RARB: variants seen among roughly 807,000 people sequenced by gnomAD.
RARB encodes the protein retinoic acid receptor beta.
RARB carries 17 observed loss-of-function variants against 51.9 expected under a neutral mutation model. The observed-to-expected ratio is 0.33, with a 90% CI of 0.22 to 0.49. RARB has a LOEUF of 0.49. Among genes scored for constraint, RARB ranks in the 20% least tolerant of loss-of-function variants. The pLI is 0.99. For missense variants in RARB, 369 were observed against 550.8 expected (o/e 0.67, Z 3.30); for synonymous variants, 215 against 195.4 (o/e 1.10, Z -0.84).
At chr3:25,381,934 G>T (rs1706638281) in intron 5 of RARB, among the ~76,000 whole-genome samples, 1 of 152,132 alleles carries the variant, frequency 6.6e-6, no homozygotes, top group African/African-American at 2.4e-5. Flanking sequence ...AATATAGAAT[G>T]TAGCCGTCTC....
At chr3:24,875,897 T>C (rs1178777800) in intron 2 of RARB, among the ~76,000 whole-genome samples, 1 of 152,122 alleles carries the variant, frequency 6.6e-6, no homozygotes, top group African/African-American at 2.4e-5. Flanking sequence ...CAATTCTTTA[T>C]TCCTCCCTTG....
At chr3:25,231,310 T>C (rs1387699452) in intron 5 of RARB, among the ~76,000 whole-genome samples, 1 of 152,222 alleles carries the variant, frequency 6.6e-6, no homozygotes, top group Non-Finnish European at 1.5e-5. Flanking sequence ...ACACCTTCTT[T>C]AAAGTTAGCT....
intron 2 of RARB, among the ~76,000 whole-genome samples, chr3:25,005,601 G>A (rs1331450922): frequency 1.3e-5 from 2 of 152,206 alleles, no homozygotes; most frequent in African/African-American, 4.8e-5. Flanking sequence ...CCACAATATT[G>A]TTTATGACCT....
chr3:25,106,152 A>G (rs1699494866), intron 3 of RARB, among the ~76,000 whole-genome samples: 1 of 152,220 alleles, frequency 6.6e-6, no homozygotes, highest in Non-Finnish European at 1.5e-5. Flanking sequence ...GCATTAAAAA[A>G]TGAAGGCTGT....
chr3:25,291,803 A>G (rs926004656), intron 5 of RARB, among the ~76,000 whole-genome samples: 5 of 152,054 alleles, frequency 3.3e-5, no homozygotes, highest in African/African-American at 1.2e-4. Flanking sequence ...CTAATTTATT[A>G]CCCTTTAAAG....
At chr3:25,544,730 A>G (rs1699544189) in intron 3 of RARB, among the ~76,000 whole-genome samples, 2 of 152,276 alleles carry the variant, frequency 1.3e-5, no homozygotes, top group African/African-American at 4.8e-5. Flanking sequence ...AATATCTCCA[A>G]GGGGCTGCTA....
At chr3:25,359,413 A>T (rs571042297) in intron 5 of RARB, among the ~76,000 whole-genome samples, 52 of 149,868 alleles carry the variant, frequency 3.5e-4, no homozygotes, top group Middle Eastern at 6.9e-3. Flanking sequence ...TTAATTTTTT[A>T]AAAAAATACC....
At chr3:25,056,832 C>A (rs528804995) in intron 2 of RARB, among the ~76,000 whole-genome samples, 5 of 152,198 alleles carry the variant, frequency 3.3e-5, no homozygotes, top group African/African-American at 4.8e-5. Flanking sequence ...TATCTTGATA[C>A]AATTCTTCCT....
At chr3:25,212,065 G>A (rs1701712174) in intron 5 of RARB, among the ~76,000 whole-genome samples, 1 of 152,118 alleles carries the variant, frequency 6.6e-6, no homozygotes, top group Non-Finnish European at 1.5e-5. Context: ...GGAGTGGGTG[G>A]TGAGCATTGT....
chr3:25,078,739 C>T (rs796288108), intron 3 of RARB, among the ~76,000 whole-genome samples: 3 of 152,260 alleles, frequency 2.0e-5, no homozygotes, highest in Admixed American at 6.5e-5. Context: ...CCATGTTGGT[C>T]AGGCTGGTCT....
At chr3:24,975,272 T>C (rs899221527) in intron 2 of RARB, among the ~76,000 whole-genome samples, 1 of 152,112 alleles carries the variant, frequency 6.6e-6, no homozygotes, top group Non-Finnish European at 1.5e-5. Context: ...TAAATGATAG[T>C]TGCTATTATT....
chr3:25,290,752 G>A (rs537615815), intron 5 of RARB, among the ~76,000 whole-genome samples: 3 of 152,042 alleles, frequency 2.0e-5, no homozygotes, highest in Non-Finnish European at 4.4e-5. Context: ...TCCTCTCTCT[G>A]TATATATAAG....
chr3:25,011,136 G>A (rs1181598346), intron 2 of RARB, among the ~76,000 whole-genome samples: 1 of 152,114 alleles, frequency 6.6e-6, no homozygotes, highest in Non-Finnish European at 1.5e-5. Flanking sequence ...CTAAGGTTGT[G>A]GAAGTGAATA....
chr3:24,868,013 G>A (rs1336898493), intron 2 of RARB, among the ~76,000 whole-genome samples: 1 of 152,114 alleles, frequency 6.6e-6, no homozygotes, highest in African/African-American at 2.4e-5. Flanking sequence ...TCCTTACTAA[G>A]GAAAATGCAA....
intron 5 of RARB, among the ~76,000 whole-genome samples, chr3:25,193,685 G>A (rs116131028): frequency 6.1e-4 from 92 of 151,992 alleles, no homozygotes; most frequent in African/African-American, 2.1e-3. Flanking sequence ...ATTTTATAGC[G>A]ACATATTTCA....
At chr3:25,061,745 T>C (rs1698555205) in intron 3 of RARB, among the ~76,000 whole-genome samples, 1 of 151,864 alleles carries the variant, frequency 6.6e-6, no homozygotes. Flanking sequence ...TTTATACTAG[T>C]TAAGTGTTAA....
chr3:24,977,639 T>C (rs1029830828), intron 2 of RARB, among the ~76,000 whole-genome samples: 7 of 152,184 alleles, frequency 4.6e-5, no homozygotes, highest in Non-Finnish European at 8.8e-5. Flanking sequence ...CTTATCAGCT[T>C]AAGAAGATTT....
chr3:25,149,703 A>G (rs545836203), intron 4 of RARB, among the ~76,000 whole-genome samples: 1 of 152,316 alleles, frequency 6.6e-6, no homozygotes, highest in Non-Finnish European at 1.5e-5. Context: ...AGATGCATGT[A>G]TAACGTACCC....
intron 3 of RARB, among the ~76,000 whole-genome samples, chr3:25,064,290 A>G (rs1348602728): frequency 6.6e-6 from 1 of 152,150 alleles, no homozygotes; most frequent in Non-Finnish European, 1.5e-5. Context: ...TCTCATAAAT[A>G]TACTTTGATA....
Sources: allele counts gnomAD v4.1 joint callset (sites outside exome capture counted in the v4.1 genomes callset), GRCh38; gene constraint gnomAD v4.1.1; transcripts MANE v1.5; gene names NCBI Gene and HGNC (gene_info 2026-07-23, HGNC 2026-07-21).